Variants in LINGO2 observed in about 807,000 individuals in gnomAD.
The protein encoded by LINGO2 is leucine rich repeat and Ig domain containing 2, also known as leucine-rich repeat and immunoglobulin-like domain-containing nogo receptor-interacting protein 2.
In LINGO2, 14 loss-of-function variants were observed where a neutral mutation model predicts 30.6. The observed-to-expected ratio is 0.46, with a 90% CI of 0.30 to 0.72. LINGO2 has a LOEUF of 0.72. LINGO2 is among the 30% of genes least tolerant of loss of function. The probability of loss-of-function intolerance (pLI) is 0.07; values close to 1 mark genes in which losing one functional copy is unlikely to be tolerated. For synonymous variants in LINGO2, 317 were observed against 288.5 expected, an observed-to-expected ratio of 1.10 and a Z score of -1.00; for missense variants, 729 against 751.7, an observed-to-expected ratio of 0.97 and a Z score of 0.35.
intron 4 of LINGO2, among the ~76,000 whole-genome samples, chr9:28,133,342 A>G (rs2133453375): frequency 6.6e-6 from 1 of 152,314 alleles, no homozygotes; most frequent in East Asian, 1.9e-4. Flanking sequence ...ATCAGAAAAT[A>G]TAATTTCACA....
rs551184957 is a variant in LINGO2, at chr9:28,411,696, T to G, written c.-278-38828A>C. On this transcript the variant is annotated intron_variant, in intron 2 of 5. Coordinates refer to ENST00000379992, the Ensembl canonical transcript of LINGO2. Reference sequence around the variant, plus strand: ...GTGGACACATGGGTTGTTCAAACATTTTATCTATTGTAAATGATGCTGCTA... The same window carrying G: ...GTGGACACATGGGTTGTTCAAACATGTTATCTATTGTAAATGATGCTGCTA... Among the ~76,000 whole-genome samples, 72 of 152,240 alleles carry G rather than the reference T, an allele frequency of 4.7e-4. No homozygotes were observed. The South Asian group carries it at 9.5e-3, about 20-fold the overall frequency.
At chr9:28,196,890 G>T (rs1044498299) in intron 4 of LINGO2, among the ~76,000 whole-genome samples, 1 of 151,954 alleles carries the variant, frequency 6.6e-6, no homozygotes, top group African/African-American at 2.4e-5. Flanking sequence ...GGCTTCCAGA[G>T]GCCAGGATGG....
chr9:28,235,841 C>T (rs1821543327), intron 4 of LINGO2, among the ~76,000 whole-genome samples: 1 of 152,064 alleles, frequency 6.6e-6, no homozygotes, highest in Admixed American at 6.5e-5. Flanking sequence ...AGAAAACAGT[C>T]TCAAAGGGCA....
chr9:28,108,283 A>G (rs1459145966), intron 4 of LINGO2, among the ~76,000 whole-genome samples: 1 of 152,164 alleles, frequency 6.6e-6, no homozygotes, highest in East Asian at 1.9e-4. Flanking sequence ...ACTGGAGGAA[A>G]GAGGTGTGAG....
At chr9:28,728,409 GA>G in the LINGO2 span, among the ~76,000 whole-genome samples, 1 of 150,352 alleles carries the variant, frequency 6.7e-6, no homozygotes, top group Non-Finnish European at 1.5e-5. Flanking sequence ...AATTGCAAAT[GA>G]AAAAAAAGAA....
intron 2 of LINGO2, among the ~76,000 whole-genome samples, chr9:28,402,333 G>C (rs1822305455): frequency 1.3e-5 from 2 of 152,074 alleles, no homozygotes; most frequent in Non-Finnish European, 2.9e-5. Context: ...TATGTGAAAA[G>C]AGGAATAGTC....
intron 4 of LINGO2, among the ~76,000 whole-genome samples, chr9:28,262,328 A>G (rs1194860539): frequency 1.3e-5 from 2 of 152,046 alleles, no homozygotes; most frequent in East Asian, 3.9e-4. Context: ...CTGCAGAGTT[A>G]AAAATTACAA....
the LINGO2 span, among the ~76,000 whole-genome samples, chr9:29,071,180 T>C: frequency 1.4e-5 from 2 of 147,640 alleles, no homozygotes; most frequent in Non-Finnish European, 1.5e-5. Context: ...TATTGTATTG[T>C]ATTGTATTGT....
chr9:28,696,871 C>G, the LINGO2 span, among the ~76,000 whole-genome samples: 1 of 151,816 alleles, frequency 6.6e-6, no homozygotes, highest in Non-Finnish European at 1.5e-5. Flanking sequence ...TTTGTCCTGT[C>G]AAAAACAATA....
chr9:29,079,467 A>G, the LINGO2 span, among the ~76,000 whole-genome samples: 1 of 152,024 alleles, frequency 6.6e-6, no homozygotes, highest in East Asian at 1.9e-4. Context: ...TTGTGATATT[A>G]ATATCTAGAT....
chr9:28,297,599 T>A (rs1390192437), intron 3 of LINGO2, among the ~76,000 whole-genome samples: 3 of 152,194 alleles, frequency 2.0e-5, no homozygotes, highest in Non-Finnish European at 2.9e-5. Flanking sequence ...GCTGGGAAAT[T>A]CATGAGGTTT....
At chr9:28,107,090 C>G (rs1261500612) in intron 4 of LINGO2, among the ~76,000 whole-genome samples, 1 of 152,126 alleles carries the variant, frequency 6.6e-6, no homozygotes, top group African/African-American at 2.4e-5. Flanking sequence ...TTCCCTCCTC[C>G]AGATGGTTTC....
intron 1 of LINGO2, among the ~76,000 whole-genome samples, chr9:28,622,154 C>T (rs1826427553): frequency 6.6e-6 from 1 of 151,762 alleles, no homozygotes; most frequent in Non-Finnish European, 1.5e-5. Flanking sequence ...TACAAACAAC[C>T]CAGTTATATT....
intron 1 of LINGO2, among the ~76,000 whole-genome samples, chr9:28,647,106 C>G (rs1341663636): frequency 6.6e-6 from 1 of 152,100 alleles, no homozygotes; most frequent in Non-Finnish European, 1.5e-5. Context: ...ACTGCTGCCT[C>G]TACTGCTACT....
chr9:28,876,093 G>C, the LINGO2 span, among the ~76,000 whole-genome samples: 1 of 151,936 alleles, frequency 6.6e-6, no homozygotes, highest in Non-Finnish European at 1.5e-5. Context: ...CTGGGTCTAT[G>C]GACTAATATG....
chr9:28,031,312 A>T (rs1304354997), intron 4 of LINGO2, among the ~76,000 whole-genome samples: 3 of 151,836 alleles, frequency 2.0e-5, no homozygotes, highest in East Asian at 3.9e-4. Flanking sequence ...TGCATATATT[A>T]AGCAGTCTCT....
At chr9:28,933,620 C>T in the LINGO2 span, among the ~76,000 whole-genome samples, 1 of 152,026 alleles carries the variant, frequency 6.6e-6, no homozygotes, top group African/African-American at 2.4e-5. Flanking sequence ...AAAATCCGGA[C>T]AAACAGAGCC....
chr9:28,411,561 C>A (rs1308474419), intron 2 of LINGO2, among the ~76,000 whole-genome samples: 1 of 152,112 alleles, frequency 6.6e-6, no homozygotes, highest in African/African-American at 2.4e-5. Context: ...TTCAACAACT[C>A]TAGGTACCTC....
chr9:28,372,164 G>A (rs2134575089), intron 3 of LINGO2, among the ~76,000 whole-genome samples: 1 of 152,240 alleles, frequency 6.6e-6, no homozygotes, highest in Middle Eastern at 3.4e-3. Context: ...TCACAATTTT[G>A]CTACAGATTG....
Sources: gnomAD v4.1 joint callset for allele counts (sites outside exome capture counted in the v4.1 genomes callset) on GRCh38, gnomAD v4.1.1 for gene constraint, MANE v1.5 for transcripts, NCBI Gene and HGNC (gene_info 2026-07-23, HGNC 2026-07-21) for gene names.